The following KDM5B variants were observed in gnomAD, a reference collection of about 807,000 sequenced individuals.
KDM5B encodes lysine-specific demethylase 5B.
Under a neutral mutation model 193.4 loss-of-function variants are expected in KDM5B, and 144 were observed. The ratio of observed to expected loss-of-function variants is 0.74; its 90% CI spans 0.65 to 0.86. The LOEUF (loss-of-function observed/expected upper bound fraction) is 0.86, where lower values mean the gene tolerates loss of function less well. Ranked by LOEUF, KDM5B falls within the 40% of genes least tolerant of loss-of-function variation. The pLI, the probability that KDM5B is intolerant of heterozygous loss-of-function variation, is 0.00. For missense variants in KDM5B, 1,833 were observed against 1,886.9 expected (o/e 0.97, Z 0.53); for synonymous variants, 668 against 682.6 (o/e 0.98, Z 0.33).
rs1034234529 is a variant in KDM5B, at chr1:202,725,531, C to T, written c.*3505G>A. On this transcript the variant is annotated 3_prime_UTR_variant, in exon 27 of 27. Coordinates refer to ENST00000367265, the MANE Select transcript of KDM5B (RefSeq NM_006618.5). ...AGCCATCACACTGCTGCTTCATAGT[C>T]ACTAGGAGTTGAGGGACCCTGACCC... is the stretch of plus-strand genomic sequence containing the variant. The T allele has an allele frequency of 2.6e-5, 4 of 152,222 alleles. No individual in the cohort carries two copies. Among genetic ancestry groups the T allele is most frequent in the Non-Finnish European group, 4.4e-5 (3 of 68,046 alleles). The allele number at this position is 152,222 out of a possible 1,614,324, so 9.4% of individuals were successfully genotyped here.
At chr1:202,780,596 G>C (rs1364141501) in intron 1 of KDM5B, among the ~76,000 whole-genome samples, 1 of 152,100 alleles carries the variant, frequency 6.6e-6, no homozygotes, top group East Asian at 1.9e-4. Context: ...AAGTTAAAAT[G>C]TAAGTATCAG....
chr1:202,775,037 C>T (rs1376953238), intron 2 of KDM5B, among the ~76,000 whole-genome samples: 5 of 147,040 alleles, frequency 3.4e-5, no homozygotes, highest in Non-Finnish European at 6.0e-5. Context: ...GTCGGGAGTT[C>T]GAGACCAGCC....
chr1:202,807,983 TGAC>T, intron 1 of KDM5B, 116 bp downstream of exon 1: 1 of 1,052,444 alleles, frequency 9.5e-7, no homozygotes, highest in South Asian at 1.8e-5. Context: ...GCCCCAAACT[TGAC>T]GAGGCCGGCG....
At position 202,729,109 on chromosome 1, in the gene KDM5B, G is replaced by A. The variant is rs755740696; in HGVS notation, c.4562C>T (p.Ser1521Phe). 5.0e-6 allele frequency: 8 copies of A among 1,614,102 alleles called. No homozygotes were observed. Among genetic ancestry groups the A allele is most frequent in the Non-Finnish European group, 6.8e-6 (8 of 1,179,994 alleles). The change falls in exon 27 of 27, where the codon TCC (serine) becomes TTC (phenylalanine). Residue 1521 changes from serine to phenylalanine, a missense_variant. Coordinates refer to ENST00000367265, the MANE Select transcript of KDM5B (RefSeq NM_006618.5). The stretch of plus-strand genomic sequence containing the variant: ...GTCTTCTTTCTCTGCCATCTCTGGG[G>A]AGACACCAACACAGACCTGATGAAA... ...QWFHQVCVGV[S>F]PEMAEKEDYI... is the part of the protein sequence containing the mutation.
At chr1:202,759,473 G>A (rs900863440) in intron 8 of KDM5B, among the ~76,000 whole-genome samples, 15 of 151,592 alleles carry the variant, frequency 9.9e-5, no homozygotes, top group Non-Finnish European at 1.6e-4. Flanking sequence ...CTGGGGAGGC[G>A]GAGGTTGCAG....
chr1:202,739,542 T>C (rs1042479065), intron 20 of KDM5B, among the ~76,000 whole-genome samples: 21 of 151,892 alleles, frequency 1.4e-4, no homozygotes, highest in South Asian at 4.2e-4. Flanking sequence ...GGCAGGGTCA[T>C]AGGACAATAG....
chr1:202,748,510 TAA>T (rs35471222), intron 14 of KDM5B, among the ~76,000 whole-genome samples: 1 of 145,314 alleles, frequency 6.9e-6, no homozygotes, highest in African/African-American at 2.5e-5. Flanking sequence ...CTATCTGATT[TAA>T]AAAAAAAAAA....
At chr1:202,752,841 TA>T in intron 12 of KDM5B, 63 bp downstream of exon 12, 1 of 1,465,990 alleles carries the variant, frequency 6.8e-7, no homozygotes, top group Admixed American at 2.0e-5. Context: ...AAAAAGTGAA[TA>T]AAAAGGAAAA....
chr1:202,741,559 C>T lies in KDM5B; in HGVS notation c.2753G>A (p.Arg918His), dbSNP rs780335913. Residue 918 changes from arginine (R) to histidine (H), a missense_variant, in exon 19 of 27, where the codon CGT (arginine) becomes CAT (histidine). Coordinates refer to ENST00000367265, the MANE Select transcript of KDM5B (RefSeq NM_006618.5). ...AGCTTGCTGCACCTCTTCTAGCCAA[C>T]GGGCTTGTTCCAAACGGATACGCAT... Reference protein sequence around the residue: ...AEMRIRLEQARWLEEVQQACL... With the variant: ...AEMRIRLEQAHWLEEVQQACL... The T allele has an allele frequency of 1.1e-5, 17 of 1,614,108 alleles. No homozygotes were observed. Among genetic ancestry groups the T allele is most frequent in the East Asian group, 4.5e-5 (2 of 44,898 alleles).
At chr1:202,806,373 G>A (rs4950878) in intron 1 of KDM5B, 102,472 of 152,072 alleles carry the variant, frequency 0.67, 37,169 homozygotes, top group Admixed American at 0.82. Context: ...CATGTGACAT[G>A]AAGCTACATT....
chr1:202,775,488 G>C (rs1656904166), intron 2 of KDM5B, among the ~76,000 whole-genome samples: 1 of 151,860 alleles, frequency 6.6e-6, no homozygotes, highest in African/African-American at 2.4e-5. Context: ...AGTGAGCAAA[G>C]ATCATGCTAC....
Position 202,750,676 on chromosome 1 carries a change from A to C in KDM5B, c.1804T>G (p.Phe602Val). 6.2e-7 allele frequency: 1 copy of C among 1,614,054 alleles called. No individual in the cohort carries two copies. ...QGFNFAEAVN[F>V]CTVDWLPLGR... is the part of the protein sequence containing the mutation. ...TTACATACCCAATCAACAGTGCAGA[A>C]GTTAACAGCCTCAGCAAAATTAAAA... The change falls in exon 13 of 27, where the codon TTC becomes GTC. Residue 602 changes from phenylalanine (F) to valine (V), a missense_variant. Phe to Val is a conservative substitution (Grantham distance 50). Transcript: ENST00000367265.
chr1:202,753,570 T>G (rs1020389571), intron 11 of KDM5B, among the ~76,000 whole-genome samples: 1 of 151,932 alleles, frequency 6.6e-6, no homozygotes, highest in Non-Finnish European at 1.5e-5. Flanking sequence ...CAGAAGACTT[T>G]CCATCTGAAC....
chr1:202,732,620 G>A (rs202195900), intron 23 of KDM5B, among the ~76,000 whole-genome samples: 1 of 147,984 alleles, frequency 6.8e-6, no homozygotes, highest in Non-Finnish European at 1.5e-5. Flanking sequence ...ATGACAGACT[G>A]TTTTTTTTTT....
In KDM5B at chr1:202,731,175, CCTT is replaced by C. The variant is rs776240496; in HGVS notation, c.4022-115_4022-113del. On this transcript the variant is annotated intron_variant, in intron 24 of 26. Transcript: ENST00000367265. ...GCCCCTAATACCACTACTACCCTCTCCTTCTTAAATTACAAATTACCTTCAGTT... is the reference window on the plus strand; with the variant it reads ...GCCCCTAATACCACTACTACCCTCTCCTTAAATTACAAATTACCTTCAGTT... 209 of 757,228 alleles carry C rather than the reference CCTT, an allele frequency of 2.8e-4. 1 individual carries two copies. In the Middle Eastern group the frequency reaches 9.0e-3, roughly 33 times the overall value. 46.9% of individuals were successfully genotyped at this position (757,228 alleles called of 1,614,324 possible).
chr1:202,753,495 C>CA (rs1052203897), intron 11 of KDM5B, among the ~76,000 whole-genome samples: 22 of 150,214 alleles, frequency 1.5e-4, no homozygotes, highest in African/African-American at 2.7e-4. Context: ...GACTCCATCT[C>CA]AAAAAAAACA....
At position 202,729,907 on chromosome 1, in the gene KDM5B, G is replaced by A. The variant is rs773679015; in HGVS notation, c.4297C>T (p.Pro1433Ser). ...RWERVKKMRTPKKKKIKLSHP... is the reference protein window; with the variant it reads ...RWERVKKMRTSKKKKIKLSHP... Reference sequence around the variant, plus strand: ...CTCAGTTTGATTTTCTTCTTTTTGGGGGTCCGCATTTTCTTAACTCGTTCC... The same window carrying A: ...CTCAGTTTGATTTTCTTCTTTTTGGAGGTCCGCATTTTCTTAACTCGTTCC... The change falls in exon 26 of 27, where the codon CCC becomes TCC. Residue 1433 changes from proline (P) to serine (S), a missense_variant. This residue lies in a region of KDM5B where 1,379 missense variants were observed against 1,349.6 expected (regional missense o/e 1.02). Transcript: ENST00000367265. 1.9e-6 allele frequency: 3 copies of A among 1,614,042 alleles called. No homozygotes were observed. The highest frequency in any genetic ancestry group is 1.7e-5 in the Admixed American group (1 of 60,012).
intron 14 of KDM5B, 86 bp from the exon 15 acceptor site, chr1:202,746,409 G>GAAAA: frequency 6.0e-6 from 3 of 503,968 alleles, no homozygotes; most frequent in South Asian, 6.6e-5. Context: ...ACTTGAGTCT[G>GAAAA]AAAAAAAAAA....
chr1:202,729,652 A>G, intron 26 of KDM5B, 55 bp downstream of exon 26: 3 of 1,486,984 alleles, frequency 2.0e-6, no homozygotes, highest in East Asian at 2.3e-5. Context: ...GGTCTAGCTT[A>G]CAGGGTTTCT....
Sources: gnomAD v4.1 joint callset for allele counts (sites outside exome capture counted in the v4.1 genomes callset) on GRCh38, gnomAD v4.1.1 for gene constraint, gnomAD v4.1.1 regional missense constraint, MANE v1.5 for transcripts, NCBI Gene and HGNC (gene_info 2026-07-23, HGNC 2026-07-21) for gene names.